PANK4: variants seen among roughly 807,000 people sequenced by gnomAD.
The protein encoded by PANK4 is 4'-phosphopantetheine phosphatase.
PANK4 carries 40 observed loss-of-function variants against 87.9 expected under a neutral mutation model. The ratio of observed to expected loss-of-function variants is 0.46; its 90% confidence interval spans 0.35 to 0.59. The LOEUF is 0.59. PANK4 is among the 20% of genes least tolerant of loss of function. The probability of loss-of-function intolerance (pLI) is 0.00; values close to 1 mark genes in which losing one functional copy is unlikely to be tolerated. For synonymous variants in PANK4, 524 were observed against 467.4 expected, an observed-to-expected ratio of 1.12 and a Z score of -1.56; for missense variants, 926 against 1,072.3, an observed-to-expected ratio of 0.86 and a Z score of 1.90.
chr1:2,520,653 T>G lies in PANK4; in HGVS notation c.606+70A>C. 6.9e-7 allele frequency: 1 copy of G among 1,456,434 alleles called. No individual in the cohort carries two copies. The highest frequency in any genetic ancestry group is 9.5e-7 in the Non-Finnish European group (1 of 1,051,704). 90.2% of individuals were successfully genotyped at this position (1,456,434 alleles called of 1,614,324 possible). A position where few individuals can be genotyped will look rare whatever the true frequency, so the allele number is the denominator to read the frequency against. ...CATCCATGTGCCCAGCCCTGGCTCC[T>G]GCACACAGCGAGGGCTTAACAAACT... On this transcript the variant is annotated intron_variant, in intron 4 of 18. Coordinates refer to ENST00000378466, the MANE Select transcript of PANK4 (RefSeq NM_018216.4). This position sits in a 1 kb window ranked among gnomAD's most constrained non-coding sequence, Gnocchi z 6.2.
rs566989507 is a variant in PANK4, at chr1:2,511,834, C to T, written c.1728-151G>A. ...AAATCCCTCCCAGGTGGGACAGGGG[C>T]AGCTGCTCAACGTGAAGACCCCAAA... On this transcript the variant is annotated intron_variant, in intron 13 of 18. Coordinates refer to ENST00000378466, the MANE Select transcript of PANK4 (RefSeq NM_018216.4). 3.9e-4 allele frequency: 253 copies of T among 648,846 alleles called. 1 individual carries two copies. The South Asian group carries it at 4.1e-3, about 11-fold the overall frequency. 40.2% of individuals were successfully genotyped at this position (648,846 alleles called of 1,614,324 possible).
Position 2,515,429 on chromosome 1 carries a change from C to G in PANK4, c.1374+133G>C. ...GAGAAACCAAAATCGCCCCCTCACTCAGACGCAGATCAAGGGGTTTCTGGA... is the reference window on the plus strand; with the variant it reads ...GAGAAACCAAAATCGCCCCCTCACTGAGACGCAGATCAAGGGGTTTCTGGA... On this transcript the variant is annotated intron_variant, in intron 10 of 18. Transcript: ENST00000378466. This position sits in a 1 kb window ranked among gnomAD's most constrained non-coding sequence, Gnocchi z 5.0. 3 of 1,023,912 alleles carry G rather than the reference C, an allele frequency of 2.9e-6. No homozygotes were observed. Among genetic ancestry groups the G allele is most frequent in the Non-Finnish European group, 4.5e-6 (3 of 666,418 alleles). 63.4% of individuals were successfully genotyped at this position (1,023,912 alleles called of 1,614,324 possible).
chr1:2,510,146 C>T lies in PANK4; in HGVS notation c.1950G>A (p.Ala650=), dbSNP rs774707895. The change falls in exon 17 of 19, where the codon GCG becomes GCA. Residue 650 remains alanine (A), a synonymous_variant. Transcript: ENST00000378466. The surrounding 1 kb of genome is among the most constrained non-coding windows in gnomAD (Gnocchi z 4.9). ...LLLRGTEVIL[A]CNSGPALNDV... Reference sequence around the variant, plus strand: ...CGTTCAGGGCGGGGCCTGAGTTGCACGCCAGGATGACCTGCAGGAGGAGGG... The same window carrying T: ...CGTTCAGGGCGGGGCCTGAGTTGCATGCCAGGATGACCTGCAGGAGGAGGG... 6.9e-6 allele frequency: 11 copies of T among 1,603,738 alleles called. No individual in the cohort carries two copies. The highest frequency in any genetic ancestry group is 3.3e-5 in the South Asian group (3 of 89,616).
chr1:2,513,232 G>A (rs769839675), intron 12 of PANK4, among the ~76,000 whole-genome samples, 193 bp from the exon 13 acceptor site: 3 of 152,254 alleles, frequency 2.0e-5, no homozygotes, highest in African/African-American at 7.2e-5. Flanking sequence ...CTCTGAGGAC[G>A]AGGCCCAGGA....
chr1:2,512,905 C>G lies in PANK4; in HGVS notation c.1710G>C (p.Gly570=). ...ACACCTACGCAGACACGGCTTTGGC[C>G]CCCCAGTCGAAGACATTCCCCGCCA... is the stretch of plus-strand genomic sequence containing the variant. The part of the protein sequence containing the change: ...GLLAGNVFDW[G]AKAVSAVLES... The change falls in exon 13 of 19, where the codon GGG becomes GGC. Residue 570 remains glycine, a synonymous_variant. Coordinates refer to ENST00000378466, the MANE Select transcript of PANK4 (RefSeq NM_018216.4). 6.2e-7 allele frequency: 1 copy of G among 1,612,804 alleles called. No individual in the cohort carries two copies.
At position 2,513,995 on chromosome 1, in the gene PANK4, C is replaced by A; in HGVS notation, c.1575+7G>T. ...GCGAGCGGAAGGCCAGGGCACACTGCACTTACTTTGGAGTAGGGATCCGGG... is the reference window on the plus strand; with the variant it reads ...GCGAGCGGAAGGCCAGGGCACACTGAACTTACTTTGGAGTAGGGATCCGGG... On this transcript the variant is annotated splice_region_variant and intron_variant, in intron 12 of 18. Transcript: ENST00000378466. 6.2e-7 allele frequency: 1 copy of A among 1,601,668 alleles called. No homozygotes were observed. Among genetic ancestry groups the A allele is most frequent in the Non-Finnish European group, 8.5e-7 (1 of 1,169,666 alleles).
At chr1:2,517,592 G>A (rs1192105613) in intron 9 of PANK4, among the ~76,000 whole-genome samples, 1 of 152,232 alleles carries the variant, frequency 6.6e-6, no homozygotes, top group Non-Finnish European at 1.5e-5. Flanking sequence ...GGTCCTGGCG[G>A]GGGACCCTTC....
chr1:2,520,711 G>A lies in PANK4; in HGVS notation c.606+12C>T. The A allele has an allele frequency of 6.2e-7, 1 of 1,608,814 alleles. No individual in the cohort carries two copies. Among genetic ancestry groups the A allele is most frequent in the Non-Finnish European group, 8.5e-7 (1 of 1,176,632 alleles). ...AACCATCCACTCATTCATTCATGAAGCCGGGTCTTACCTTCACGATGGAGA... is the reference window on the plus strand; with the variant it reads ...AACCATCCACTCATTCATTCATGAAACCGGGTCTTACCTTCACGATGGAGA... On this transcript the variant is annotated intron_variant, in intron 4 of 18. Transcript: ENST00000378466. The surrounding 1 kb of genome is among the most constrained non-coding windows in gnomAD (Gnocchi z 6.2).
chr1:2,510,689 TA>T lies in PANK4; in HGVS notation c.1926del (p.Arg643GlufsTer15). ...ACCTCAACACTCACCTCTGTCCCTC[TA>T]AGGAGTAGCTCCCTGACAAAGGGGA... ...GVFPFVRELLLRGTEVILACN... is the reference protein window; with the variant it reads ...GVFPFVRELLXRGTEVILACN... On this transcript the variant is annotated frameshift_variant, in exon 16 of 19. Transcript: ENST00000378466. LOFTEE classifies it high-confidence loss of function. The surrounding 1 kb of genome is among the most constrained non-coding windows in gnomAD (Gnocchi z 4.9). 6.3e-7 allele frequency: 1 copy of T among 1,591,308 alleles called. No individual in the cohort carries two copies. The highest frequency in any genetic ancestry group is 8.6e-7 in the Non-Finnish European group (1 of 1,160,442).
Position 2,515,571 on chromosome 1 carries a change from G to C in PANK4, c.1365C>G (p.Ala455=). 1 of 1,612,750 alleles carries C rather than the reference G, an allele frequency of 6.2e-7. No homozygotes were observed. Among genetic ancestry groups the C allele is most frequent in the Non-Finnish European group, 8.5e-7 (1 of 1,179,952 alleles). Residue 455 remains alanine (A), a synonymous_variant, in exon 10 of 19, where the codon GCC becomes GCG. Coordinates refer to ENST00000378466, the MANE Select transcript of PANK4 (RefSeq NM_018216.4). This position sits in a 1 kb window ranked among gnomAD's most constrained non-coding sequence, Gnocchi z 5.0. Reference sequence around the variant, plus strand: ...CACCCGGAGCCCTCACCCCGTCCAGGGCCTCCTCAAAGCAGGTGAGCCAGT... The same window carrying C: ...CACCCGGAGCCCTCACCCCGTCCAGCGCCTCCTCAAAGCAGGTGAGCCAGT... ...RKYWLTCFEE[A]LDGVVKRAVA...
chr1:2,526,579 C>G lies in PANK4; in HGVS notation c.9G>C (p.Glu3Asp). MA[E>D]CGASGSGSSG... ...TGCTCCCGCTGCCGCTCGCTCCACA[C>G]TCCGCCATTTTGAAAGTGCCCGGCC... Residue 3 changes from glutamate to aspartate, a missense_variant, in exon 1 of 19, where the codon GAG becomes GAC. Glu to Asp is a conservative substitution (Grantham distance 45, BLOSUM62 2). Transcript: ENST00000378466. 1 of 1,601,178 alleles carries G rather than the reference C, an allele frequency of 6.2e-7. No homozygotes were observed. The highest frequency in any genetic ancestry group is 8.5e-7 in the Non-Finnish European group (1 of 1,174,454).
intron 13 of PANK4, chr1:2,512,646 C>T (rs377280533): frequency 4.9e-5 from 27 of 548,540 alleles, no homozygotes; most frequent in Admixed American, 3.1e-4. Flanking sequence ...TAGGCCTCTG[C>T]GGCACCCATG....
In PANK4 at chr1:2,520,300, G is replaced by A; in HGVS notation, c.699+22C>T. ...AGACATCTCCGCAGACCCCTGGAAG[G>A]TCTCTGGCAGCTGCCGCATACCTTC... On this transcript the variant is annotated intron_variant, in intron 5 of 18. Coordinates refer to ENST00000378466, the MANE Select transcript of PANK4 (RefSeq NM_018216.4). This position sits in a 1 kb window ranked among gnomAD's most constrained non-coding sequence, Gnocchi z 6.2. 6.2e-7 allele frequency: 1 copy of A among 1,605,592 alleles called. No homozygotes were observed. The highest frequency in any genetic ancestry group is 1.1e-5 in the South Asian group (1 of 90,934).
At position 2,511,345 on chromosome 1, in the gene PANK4, C is replaced by T. The variant is rs1340097487; in HGVS notation, c.1826G>A (p.Arg609Lys). The change falls in exon 15 of 19, where the codon AGA (arginine) becomes AAA (lysine). Residue 609 changes from arginine (R) to lysine (K), a missense_variant. Arg to Lys is a conservative substitution (Grantham distance 26, BLOSUM62 2). Coordinates refer to ENST00000378466, the MANE Select transcript of PANK4 (RefSeq NM_018216.4). ...LVDSYSEWLQRLKGPPHKCAL... is the reference protein window; with the variant it reads ...LVDSYSEWLQKLKGPPHKCAL... ...GGAGGCCCCTCCACATACCTTTAAT[C>T]TCTGAAGCCACTCGCTGTAGGAATC... is the stretch of plus-strand genomic sequence containing the variant. The T allele has an allele frequency of 6.2e-7, 1 of 1,609,670 alleles. No homozygotes were observed.
Position 2,510,653 on chromosome 1 carries a change from C to A in PANK4, c.1938+25G>T. 2 of 1,376,924 alleles carry A rather than the reference C, an allele frequency of 1.5e-6. No homozygotes were observed. Among genetic ancestry groups the A allele is most frequent in the Non-Finnish European group, 2.1e-6 (2 of 966,394 alleles). The allele number at this position is 1,376,924 out of a possible 1,614,324, so 85.3% of individuals were successfully genotyped here. ...AGAGCAGAGAAGCCCAGGGGAAGGG[C>A]CCCACCCACCACCTCAACACTCACC... On this transcript the variant is annotated intron_variant, in intron 16 of 18. Coordinates refer to ENST00000378466, the MANE Select transcript of PANK4 (RefSeq NM_018216.4). The surrounding 1 kb of genome is among the most constrained non-coding windows in gnomAD (Gnocchi z 4.9).
chr1:2,509,178 G>T lies in PANK4; in HGVS notation c.2109-118C>A, dbSNP rs1643618148. Reference sequence around the variant, plus strand: ...CTACCGCTCAATTCCCTGATGTGGAGGCCTCCAAACCCAGCCTCCGCCTGG... The same window carrying T: ...CTACCGCTCAATTCCCTGATGTGGATGCCTCCAAACCCAGCCTCCGCCTGG... On this transcript the variant is annotated intron_variant, in intron 18 of 18. Transcript: ENST00000378466. The surrounding 1 kb of genome is among the most constrained non-coding windows in gnomAD (Gnocchi z 4.9). The T allele has an allele frequency of 1.0e-5, 8 of 800,086 alleles. No homozygotes were observed. Among genetic ancestry groups the T allele is most frequent in the Non-Finnish European group, 1.6e-5 (8 of 508,944 alleles). The allele number at this position is 800,086 out of a possible 1,614,324, so 49.6% of individuals were successfully genotyped here.
In PANK4 at chr1:2,510,912, G is replaced by A; in HGVS notation, c.1834-130C>T. On this transcript the variant is annotated intron_variant, in intron 15 of 18. Transcript: ENST00000378466. The surrounding 1 kb of genome is among the most constrained non-coding windows in gnomAD (Gnocchi z 4.9). ...GGCTTCAGGGCCCCAGAGATGCCAG[G>A]GATGGGCTGTCCTGCAGGGGCCGAG... The A allele has an allele frequency of 1.5e-6, 1 of 648,228 alleles. No individual in the cohort carries two copies. The highest frequency in any genetic ancestry group is 1.8e-5 in the South Asian group (1 of 57,064). 40.2% of individuals were successfully genotyped at this position (648,228 alleles called of 1,614,324 possible). A position where few individuals can be genotyped will look rare whatever the true frequency, so the allele number is the denominator to read the frequency against.
At position 2,511,376 on chromosome 1, in the gene PANK4, G is replaced by A. The variant is rs1250711488; in HGVS notation, c.1795C>T (p.Leu599Phe). ...AGCCACTCGCTGTAGGAATCCACGA[G>A]CCAGGGTCTTTCTGAGACAGAGAGA... ...AKRKLQERPW[L>F]VDSYSEWLQR... The change falls in exon 15 of 19, where the codon CTC becomes TTC. Residue 599 changes from leucine to phenylalanine, a missense_variant. Coordinates refer to ENST00000378466, the MANE Select transcript of PANK4 (RefSeq NM_018216.4). The A allele has an allele frequency of 6.2e-7, 1 of 1,610,512 alleles. No homozygotes were observed. The highest frequency in any genetic ancestry group is 8.5e-7 in the Non-Finnish European group (1 of 1,177,662).
chr1:2,520,813 A>C lies in PANK4; in HGVS notation c.516T>G (p.Asp172Glu). The C allele has an allele frequency of 6.2e-7, 1 of 1,610,762 alleles. No homozygotes were observed. Among genetic ancestry groups the C allele is most frequent in the Non-Finnish European group, 8.5e-7 (1 of 1,178,666 alleles). ...TCTGGAACCGGAACTCAGGGTCGGA[A>C]TCCTTCTGGTACACGAAGGCCTCAT... Reference protein sequence around the residue: ...IPHEAFVYQKDSDPEFRFQTN... With the variant: ...IPHEAFVYQKESDPEFRFQTN... Residue 172 changes from aspartate to glutamate, a missense_variant, in exon 4 of 19, where the codon GAT (aspartate) becomes GAG (glutamate). Asp to Glu is a conservative substitution (Grantham distance 45). Coordinates refer to ENST00000378466, the MANE Select transcript of PANK4 (RefSeq NM_018216.4). This position sits in a 1 kb window ranked among gnomAD's most constrained non-coding sequence, Gnocchi z 6.2.
Sources: allele counts gnomAD v4.1 joint callset (sites outside exome capture counted in the v4.1 genomes callset), GRCh38; gene constraint gnomAD v4.1.1; non-coding constraint Gnocchi (gnomAD v3.1); transcripts MANE v1.5; gene names NCBI Gene and HGNC (gene_info 2026-07-23, HGNC 2026-07-21).